GC: variants seen among roughly 807,000 people sequenced by gnomAD.
The protein encoded by GC is GC vitamin D binding protein, also known as vitamin D-binding protein.
Under a neutral mutation model 56.7 loss-of-function variants are expected in GC, and 43 were observed. The ratio of observed to expected loss-of-function variants is 0.76; its 90% CI spans 0.59 to 0.98. The LOEUF (loss-of-function observed/expected upper bound fraction) is 0.98, where lower values mean the gene tolerates loss of function less well. Ranked by LOEUF, GC falls within the 50% of genes least tolerant of loss-of-function variation. The pLI, the probability that GC is intolerant of heterozygous loss-of-function variation, is 0.00. For synonymous variants in GC, 216 were observed against 202.7 expected (o/e 1.07, Z -0.56); for missense variants, 529 against 545.9 (o/e 0.97, Z 0.31).
intron 7 of GC, among the ~76,000 whole-genome samples, chr4:71,757,476 T>C (rs1315358849): frequency 6.7e-6 from 1 of 148,234 alleles, no homozygotes; most frequent in East Asian, 2.0e-4. Context: ...TTTTAAAGGA[T>C]TATGAAAATG....
intron 1 of GC, among the ~76,000 whole-genome samples, chr4:71,770,732 C>A (rs1742317310): frequency 6.6e-6 from 1 of 152,242 alleles, no homozygotes; most frequent in South Asian, 2.1e-4. Flanking sequence ...CCTTTCCCAC[C>A]ACAGGCAATA....
intron 11 of GC, among the ~76,000 whole-genome samples, chr4:71,746,961 A>C (rs1741397379): frequency 6.6e-6 from 1 of 152,046 alleles, no homozygotes; most frequent in Non-Finnish European, 1.5e-5. Context: ...AAACCAGGTG[A>C]AAGATTGCCT....
upstream of GC, chr4:71,784,459 C>T (rs1313683878): frequency 1.0e-5 from 2 of 190,544 alleles, no homozygotes; most frequent in East Asian, 3.8e-4. Flanking sequence ...GAAACTCTGT[C>T]TTTACCTCTC....
intron 11 of GC, among the ~76,000 whole-genome samples, chr4:71,750,576 T>C (rs1474160278): frequency 6.6e-6 from 1 of 152,164 alleles, no homozygotes; most frequent in Non-Finnish European, 1.5e-5. Context: ...AATTCTTAAA[T>C]TATTTCACTT....
At chr4:71,775,569 A>G (rs900562546) in intron 1 of GC, among the ~76,000 whole-genome samples, 2 of 151,968 alleles carry the variant, frequency 1.3e-5, no homozygotes, top group African/African-American at 4.8e-5. Context: ...ACATAGGGGA[A>G]AAGCTCCATG....
At chr4:71,773,451 T>C (rs371296644) in intron 1 of GC, among the ~76,000 whole-genome samples, 27 of 152,200 alleles carry the variant, frequency 1.8e-4, no homozygotes, top group African/African-American at 6.0e-4. Context: ...AACAGATATT[T>C]TTTGAGGCTT....
rs140971733 is a variant in GC, at chr4:71,752,518, C to T, written c.1395G>A (p.Glu465=). 3.4e-5 allele frequency: 54 copies of T among 1,610,164 alleles called. No homozygotes were observed. The highest frequency in any genetic ancestry group is 4.2e-5 in the Non-Finnish European group (49 of 1,178,610). ...INSPPLYCDS[E]IDAELKNIL is the part of the protein sequence containing the mutation. ...TAAGTGGAGGGTTACATTTTCCTAC[C>T]TCTGAATCACAGTAAAGAGGAGGTG... The change falls in exon 11 of 13, where the codon GAG becomes GAA. Residue 465 remains glutamate, a splice_region_variant and synonymous_variant. Transcript: ENST00000273951.
intron 7 of GC, 109 bp from the exon 8 acceptor site, chr4:71,757,023 A>T (rs926914113): frequency 1.2e-5 from 9 of 722,470 alleles, no homozygotes; most frequent in Non-Finnish European, 2.3e-6. Context: ...GAAAGTCAGT[A>T]TGAAGACTCT....
chr4:71,770,599 A>G (rs549747826), intron 1 of GC, among the ~76,000 whole-genome samples: 1 of 152,252 alleles, frequency 6.6e-6, no homozygotes, highest in East Asian at 1.9e-4. Context: ...TCCTGCTGCT[A>G]TCTCTCTTAC....
intron 1 of GC, among the ~76,000 whole-genome samples, chr4:71,794,986 C>T (rs937326010): frequency 6.6e-6 from 1 of 152,122 alleles, no homozygotes; most frequent in Non-Finnish European, 1.5e-5. Flanking sequence ...GTTTATTCAT[C>T]CTGAGTTCTA....
intron 1 of GC, among the ~76,000 whole-genome samples, chr4:71,782,770 A>AT (rs1334940139): frequency 6.6e-6 from 1 of 151,738 alleles, no homozygotes; most frequent in African/African-American, 2.4e-5. Flanking sequence ...CTTCAGTAGG[A>AT]TTTTTCAGGA....
chr4:71,796,452 A>G (rs950825072), intron 1 of GC, among the ~76,000 whole-genome samples: 1 of 152,122 alleles, frequency 6.6e-6, no homozygotes, highest in African/African-American at 2.4e-5. Flanking sequence ...ATTTGATCGA[A>G]TCAGCCACTG....
chr4:71,752,398 A>C, intron 11 of GC, 120 bp downstream of exon 11: 1 of 748,760 alleles, frequency 1.3e-6, no homozygotes. Context: ...AAGTTACAAT[A>C]ACACCAGGAA....
intron 1 of GC, among the ~76,000 whole-genome samples, chr4:71,798,242 A>G (rs1743160824): frequency 6.6e-6 from 1 of 152,194 alleles, no homozygotes; most frequent in African/African-American, 2.4e-5. Flanking sequence ...CCAACATATT[A>G]TCTTTTAAAG....
rs79296205 is a variant in GC at position 71,760,538 on chromosome 4, A to G, written c.702-2367T>C. ...AAAGTATGAGAGAAGTGCAGCATAG[A>G]AACTATCAAAATTAAAATACAAGTT... On this transcript the variant is annotated intron_variant, in intron 6 of 12. Transcript: ENST00000273951. Among the ~76,000 whole-genome samples the G allele has an allele frequency of 9.5e-4, 145 of 152,324 alleles. 1 individual carries two copies. The highest frequency in any genetic ancestry group is 3.5e-3 in the African/African-American group (144 of 41,572).
At position 71,783,017 on chromosome 4, in the gene GC, TAAG is replaced by T. The variant is rs1742732693; in HGVS notation, c.58+941_58+943del. Among the ~76,000 whole-genome samples, 3 of 151,914 alleles carry T rather than the reference TAAG, an allele frequency of 2.0e-5. No homozygotes were observed. In the South Asian group the frequency reaches 6.2e-4, roughly 32 times the overall value. ...AAATAAGACCAAGGAAAAGTAAATG[TAAG>T]AAGAAGAATAAAAAGTCAAGAGTAA... On this transcript the variant is annotated intron_variant, in intron 1 of 12. Transcript: ENST00000273951.
intron 1 of GC, among the ~76,000 whole-genome samples, chr4:71,780,970 G>A (rs1181905707): frequency 6.6e-6 from 1 of 152,096 alleles, no homozygotes; most frequent in Admixed American, 6.6e-5. Context: ...CAATAGCAAA[G>A]ACTTGGAACC....
chr4:71,766,252 C>T (rs1742154279), intron 3 of GC, among the ~76,000 whole-genome samples: 1 of 152,160 alleles, frequency 6.6e-6, no homozygotes. Context: ...TTGCACAACA[C>T]AGAAATTCTG....
At chr4:71,774,910 T>C (rs1247799185) in intron 1 of GC, among the ~76,000 whole-genome samples, 2 of 152,008 alleles carry the variant, frequency 1.3e-5, no homozygotes, top group Non-Finnish European at 2.9e-5. Flanking sequence ...TATTGAAATT[T>C]AGTGATATTC....
Sources: gnomAD v4.1 joint callset for allele counts (sites outside exome capture counted in the v4.1 genomes callset) on GRCh38, gnomAD v4.1.1 for gene constraint, MANE v1.5 for transcripts, NCBI Gene and HGNC (gene_info 2026-07-23, HGNC 2026-07-21) for gene names.